The following APC variants were observed in gnomAD, a reference collection of about 807,000 sequenced individuals.
APC encodes the protein APC regulator of Wnt signaling pathway, also known as adenomatous polyposis coli protein.
A neutral mutation model predicts 247.0 loss-of-function variants in APC; 72 were observed. The observed-to-expected ratio is 0.29, with a 90% CI of 0.24 to 0.35. APC has a LOEUF of 0.35. APC is among the 10% of genes least tolerant of loss of function. The pLI, the probability that APC is intolerant of heterozygous loss-of-function variation, is 1.00. For missense variants in APC, 3,400 were observed against 3,360.7 expected, an observed-to-expected ratio of 1.01 and a Z score of -0.29; for synonymous variants, 1,254 against 1,162.5, an observed-to-expected ratio of 1.08 and a Z score of -1.60.
At chr5:112,836,035 T>TC (rs1491145253) in intron 15 of APC, among the ~76,000 whole-genome samples, 5 of 94,570 alleles carry the variant, frequency 5.3e-5, no homozygotes, top group African/African-American at 9.2e-5. Context: ...TTTTTTTTTT[T>TC]CTTGAGATGG....
intron 1 of APC, among the ~76,000 whole-genome samples, chr5:112,724,975 G>A: frequency 6.6e-6 from 1 of 152,026 alleles, no homozygotes; most frequent in East Asian, 1.9e-4. Context: ...GCAATTAACA[G>A]ATTTTTATTT....
At chr5:112,770,764 G>C (rs943216149) in intron 4 of APC, among the ~76,000 whole-genome samples, 3 of 152,024 alleles carry the variant, frequency 2.0e-5, no homozygotes, top group Admixed American at 2.0e-4. Flanking sequence ...TCACCACTCT[G>C]AAAGATGAAG....
In APC at chr5:112,801,271, C is replaced by G; in HGVS notation, c.730-8C>G. On this transcript the variant is annotated splice_polypyrimidine_tract_variant and splice_region_variant and intron_variant, in intron 7 of 15. Transcript: ENST00000257430. ...TTGCATGTACTGATGTTAACTCCATCTTAACAGAGGTCATCTCAGAACAAG... is the reference window on the plus strand; with the variant it reads ...TTGCATGTACTGATGTTAACTCCATGTTAACAGAGGTCATCTCAGAACAAG... 6.2e-7 allele frequency: 1 copy of G among 1,610,394 alleles called. No homozygotes were observed. Among genetic ancestry groups the G allele is most frequent in the Non-Finnish European group, 8.5e-7 (1 of 1,177,168 alleles).
chr5:112,821,021 AACTG>A (rs1763072393), intron 10 of APC, among the ~76,000 whole-genome samples: 3 of 149,334 alleles, frequency 2.0e-5, no homozygotes, highest in South Asian at 2.1e-4. Context: ...GTGCCACCAC[AACTG>A]ACTAATTTTT....
At chr5:112,760,727 T>C (rs929645498) in intron 2 of APC, among the ~76,000 whole-genome samples, 9 of 152,122 alleles carry the variant, frequency 5.9e-5, no homozygotes, top group African/African-American at 2.2e-4. Flanking sequence ...ATATTTTCTA[T>C]CTGAATATAG....
intron 6 of APC, among the ~76,000 whole-genome samples, chr5:112,784,919 G>A (rs1758778190): frequency 6.6e-6 from 1 of 152,148 alleles, no homozygotes; most frequent in Admixed American, 6.5e-5. Context: ...CAAGTTAGCA[G>A]TAGTGTTGGC....
At chr5:112,729,153 A>G (rs1751961201) in intron 1 of APC, among the ~76,000 whole-genome samples, 1 of 152,228 alleles carries the variant, frequency 6.6e-6, no homozygotes, top group South Asian at 2.1e-4. Flanking sequence ...TGTATCATCT[A>G]CATTCATACA....
At position 112,841,734 on chromosome 5, in the gene APC, T is replaced by G. The variant is rs1242251471; in HGVS notation, c.6140T>G (p.Met2047Arg). The G allele has an allele frequency of 6.2e-7, 1 of 1,613,794 alleles. No individual in the cohort carries two copies. Reference sequence around the variant, plus strand: ...TTGCAGGAATGTATAAGCTCCGCAATGCCAAAAAAGAAAAAGCCTTCAAGA... The same window carrying G: ...TTGCAGGAATGTATAAGCTCCGCAAGGCCAAAAAAGAAAAAGCCTTCAAGA... ...DLLQECISSA[M>R]PKKKKPSRLK... is the part of the protein sequence containing the mutation. Residue 2047 changes from methionine (M) to arginine (R), a missense_variant, in exon 16 of 16, where the codon ATG (methionine) becomes AGG (arginine). This residue lies in a region of APC where 1,788 missense variants were observed against 1,649.5 expected (regional missense o/e 1.08). Coordinates refer to ENST00000257430, the MANE Select transcript of APC (RefSeq NM_000038.6). This position sits in a 1 kb window ranked among gnomAD's most constrained non-coding sequence, Gnocchi z 4.6.
Position 112,842,790 on chromosome 5 carries a change from A to G in APC, c.7196A>G (p.Lys2399Arg), listed in dbSNP as rs1580679699. Reference protein sequence around the residue: ...SSIPRSESASKGLNQMNNGNG... With the variant: ...SSIPRSESASRGLNQMNNGNG... Reference sequence around the variant, plus strand: ...ATTCCAAGAAGTGAGTCTGCCTCCAAAGGACTAAATCAGATGAATAATGGT... The same window carrying G: ...ATTCCAAGAAGTGAGTCTGCCTCCAGAGGACTAAATCAGATGAATAATGGT... Residue 2399 changes from lysine (K) to arginine (R), a missense_variant, in exon 16 of 16, where the codon AAA (lysine) becomes AGA (arginine). By Grantham distance (26) the Lys-to-Arg change is conservative. Around this residue, in one of 9 missense-constraint regions of APC, gnomAD observed 1,788 missense variants for 1,649.5 expected, o/e 1.08. Transcript: ENST00000257430. The G allele has an allele frequency of 1.2e-6, 2 of 1,613,800 alleles. No individual in the cohort carries two copies. Among genetic ancestry groups the G allele is most frequent in the Non-Finnish European group, 1.7e-6 (2 of 1,179,716 alleles).
intron 11 of APC, among the ~76,000 whole-genome samples, chr5:112,822,735 C>G (rs1202124200): frequency 6.6e-6 from 1 of 152,226 alleles, no homozygotes; most frequent in Non-Finnish European, 1.5e-5. Context: ...GAACCATACG[C>G]TTAATTCCCA....
intron 13 of APC, among the ~76,000 whole-genome samples, chr5:112,828,631 A>G (rs927443651): frequency 3.3e-5 from 5 of 151,922 alleles, no homozygotes; most frequent in African/African-American, 4.8e-5. Context: ...AAAAGTTTTC[A>G]TAGAGACAGG....
At chr5:112,714,363 C>G (rs915297381) in intron 1 of APC, among the ~76,000 whole-genome samples, 1 of 152,256 alleles carries the variant, frequency 6.6e-6, no homozygotes, top group African/African-American at 2.4e-5. Flanking sequence ...TTAGCAAATG[C>G]TTTGCCTTTT....
rs558649487 is a variant in APC at position 112,775,587 on chromosome 5, A to G, written c.423-42A>G. On this transcript the variant is annotated intron_variant, in intron 4 of 15. Coordinates refer to ENST00000257430, the MANE Select transcript of APC (RefSeq NM_000038.6). Reference sequence around the variant, plus strand: ...GTATTGCTCTTCTGCAGTCTTTATTAGCATTGTTTAAACGTACCTTTTTTT... The same window carrying G: ...GTATTGCTCTTCTGCAGTCTTTATTGGCATTGTTTAAACGTACCTTTTTTT... The G allele has an allele frequency of 3.2e-5, 39 of 1,207,026 alleles. No homozygotes were observed. The African/African-American group carries it at 5.9e-4, about 18-fold the overall frequency. 74.8% of individuals were successfully genotyped at this position (1,207,026 alleles called of 1,614,324 possible). A position where few individuals can be genotyped will look rare whatever the true frequency, so the allele number is the denominator to read the frequency against.
Position 112,839,387 on chromosome 5 carries a change from G to C in APC, c.3793G>C (p.Glu1265Gln), listed in dbSNP as rs2149899129. The change falls in exon 16 of 16, where the codon GAA becomes CAA. Residue 1265 changes from glutamate (E) to glutamine (Q), a missense_variant. By Grantham distance (29) the Glu-to-Gln change is conservative. Transcript: ENST00000257430. The surrounding 1 kb of genome is among the most constrained non-coding windows in gnomAD (Gnocchi z 5.0). ...AGAAACAATACAGACTTATTGTGTA[G>C]AAGATACTCCAATATGTTTTTCAAG... ...NQETIQTYCVEDTPICFSRCS... is the reference protein window; with the variant it reads ...NQETIQTYCVQDTPICFSRCS... 1 of 1,614,112 alleles carries C rather than the reference G, an allele frequency of 6.2e-7. No individual in the cohort carries two copies. The highest frequency in any genetic ancestry group is 8.5e-7 in the Non-Finnish European group (1 of 1,179,992).
chr5:112,760,946 A>G (rs1159288678), intron 2 of APC, among the ~76,000 whole-genome samples: 3 of 152,092 alleles, frequency 2.0e-5, no homozygotes, highest in African/African-American at 7.2e-5. Context: ...AGTAGCTGGG[A>G]CTACAGGCAC....
chr5:112,736,236 A>G (rs1288453145), upstream of APC, among the ~76,000 whole-genome samples: 1 of 152,252 alleles, frequency 6.6e-6, no homozygotes, highest in Non-Finnish European at 1.5e-5. Flanking sequence ...AATCAAATTG[A>G]TTTACATGCT....
chr5:112,738,401 A>G (rs113366062), intron 1 of APC: 1 of 985,752 alleles, frequency 1.0e-6, no homozygotes, highest in African/African-American at 1.7e-5. Flanking sequence ...ACCGCTGCAG[A>G]TGGCTGATGT....
chr5:112,769,775 G>A lies in APC; in HGVS notation c.422+2385G>A, dbSNP rs1428856152. Among the ~76,000 whole-genome samples, 4 of 152,176 alleles carry A rather than the reference G, an allele frequency of 2.6e-5. No individual in the cohort carries two copies. In the East Asian group the frequency reaches 7.7e-4, roughly 29 times the overall value. On this transcript the variant is annotated intron_variant, in intron 4 of 15. Coordinates refer to ENST00000257430, the MANE Select transcript of APC (RefSeq NM_000038.6). ...TAGGAAATGCCCAGCATATCTCCCT[G>A]AGAGGCAGAAGACCTTTTATAACTT...
chr5:112,707,984 C>A, intron 1 of APC: 1 of 1,166,266 alleles, frequency 8.6e-7, no homozygotes, highest in Non-Finnish European at 1.1e-6. Context: ...GACTCTGTGG[C>A]TCTCTTCTCT....
Sources: gnomAD v4.1 joint callset for allele counts (sites outside exome capture counted in the v4.1 genomes callset) on GRCh38, gnomAD v4.1.1 for gene constraint, gnomAD v4.1.1 regional missense constraint, Gnocchi (gnomAD v3.1) non-coding constraint, MANE v1.5 for transcripts, NCBI Gene and HGNC (gene_info 2026-07-23, HGNC 2026-07-21) for gene names.